Variants in EVC2 observed in about 807,000 individuals in gnomAD.
EVC2 encodes the protein limbin.
In EVC2, 148 loss-of-function variants were observed where a neutral mutation model predicts 149.3. The observed-to-expected ratio is 0.99, with a 90% CI of 0.87 to 1.14. The LOEUF is 1.14. Among genes scored for constraint, EVC2 ranks in the 50% most tolerant of loss-of-function variants. The pLI is 0.00. For synonymous variants in EVC2, 776 were observed against 649.9 expected (o/e 1.19, Z -2.95); for missense variants, 1,854 against 1,627.3 (o/e 1.14, Z -2.40).
chr4:5,586,557 CTTT>C (rs1476659107), intron 16 of EVC2, among the ~76,000 whole-genome samples: 2 of 152,284 alleles, frequency 1.3e-5, no homozygotes, highest in East Asian at 3.9e-4. Context: ...AGAACAGACT[CTTT>C]AAGTCTCATA....
At chr4:5,662,392 A>G (rs1389730529) in intron 9 of EVC2, among the ~76,000 whole-genome samples, 2 of 146,396 alleles carry the variant, frequency 1.4e-5, no homozygotes, top group African/African-American at 2.5e-5. Context: ...CCTAAACTTA[A>G]AAGTTAAAAA....
chr4:5,599,176 A>G (rs1411868762), intron 16 of EVC2, among the ~76,000 whole-genome samples: 5 of 151,562 alleles, frequency 3.3e-5, no homozygotes, highest in Non-Finnish European at 7.4e-5. Context: ...TTCCTCAGGG[A>G]TCTAGAACTA....
chr4:5,613,039 G>GTGGGAGC lies in EVC2; in HGVS notation c.2829+2376_2829+2382dup, dbSNP rs1161342533. ...TTGAGGTCCAGCCTTGAGCCACTGG[G>GTGGGAGC]TGGGAGCGGTGCGGTCTGCACCTGA... On this transcript the variant is annotated intron_variant, in intron 16 of 21. Coordinates refer to ENST00000344408, the MANE Select transcript of EVC2 (RefSeq NM_147127.5). The surrounding 1 kb of genome is among the most constrained non-coding windows in gnomAD (Gnocchi z 4.6). Among the ~76,000 whole-genome samples the GTGGGAGC allele has an allele frequency of 6.6e-6, 1 of 152,102 alleles. No homozygotes were observed. The highest frequency in any genetic ancestry group is 1.5e-5 in the Non-Finnish European group (1 of 68,010).
chr4:5,663,193 G>A lies in EVC2; in HGVS notation c.1059C>T (p.Gly353=), dbSNP rs77793386. 4.5e-3 allele frequency: 7,279 copies of A among 1,614,082 alleles called. 294 individuals are homozygous for A. The African/African-American group carries it at 0.085, about 19-fold the overall frequency. Residue 353 remains glycine (G), a synonymous_variant, in exon 9 of 22, where the codon GGC becomes GGT. Transcript: ENST00000344408. ...LEPLPFTSAD[G]VNEDLSLNDQ... ...CGTTAAGGGAAAGGTCCTCATTCACGCCATCAGCTGAGGTGAACGGCAAGG... is the reference window on the plus strand; with the variant it reads ...CGTTAAGGGAAAGGTCCTCATTCACACCATCAGCTGAGGTGAACGGCAAGG...
intron 6 of EVC2, among the ~76,000 whole-genome samples, chr4:5,681,887 G>C (rs1203701871): frequency 6.6e-6 from 1 of 152,124 alleles, no homozygotes; most frequent in Non-Finnish European, 1.5e-5. Flanking sequence ...TTCTTCCTGG[G>C]GGTAAAGGCA....
Position 5,695,428 on chromosome 4 carries a change from T to G in EVC2, c.284-927A>C, listed in dbSNP as rs182199709. On this transcript the variant is annotated intron_variant, in intron 2 of 21. Coordinates refer to ENST00000344408, the MANE Select transcript of EVC2 (RefSeq NM_147127.5). The stretch of plus-strand genomic sequence containing the variant: ...TGTGTCAATACATTTGGAAAGTTCA[T>G]GAGCATTGTGTGCAAAGCACAGGAA... Among the ~76,000 whole-genome samples, 127 of 152,238 alleles carry G rather than the reference T, an allele frequency of 8.3e-4. 2 individuals carry two copies. Among genetic ancestry groups the G allele is most frequent in the African/African-American group, 2.4e-3 (101 of 41,536 alleles).
chr4:5,562,882 G>T lies in EVC2; in HGVS notation c.3893C>A (p.Ala1298Asp). 1 of 1,614,114 alleles carries T rather than the reference G, an allele frequency of 6.2e-7. No homozygotes were observed. Among genetic ancestry groups the T allele is most frequent in the Non-Finnish European group, 8.5e-7 (1 of 1,180,030 alleles). Reference protein sequence around the residue: ...PPRKKKNFLNAKKAMRALGMD With the variant: ...PPRKKKNFLNDKKAMRALGMD ...GCCCAAGGCCCTCATGGCCTTTTTG[G>T]CATTCAAAAAGTTCTTCTTTTTCCT... Residue 1298 changes from alanine to aspartate, a missense_variant, in exon 22 of 22, where the codon GCC (alanine) becomes GAC (aspartate). By Grantham distance (126) the Ala-to-Asp change is moderately radical. Transcript: ENST00000344408. The surrounding 1 kb of genome is among the most constrained non-coding windows in gnomAD (Gnocchi z 4.3).
At chr4:5,672,397 T>C (rs1340573190) in intron 7 of EVC2, among the ~76,000 whole-genome samples, 1 of 152,108 alleles carries the variant, frequency 6.6e-6, no homozygotes, top group Non-Finnish European at 1.5e-5. Context: ...AGAAACATGG[T>C]TAGATCAGTA....
chr4:5,645,137 G>A (rs116121884), intron 9 of EVC2, among the ~76,000 whole-genome samples: 3,982 of 152,050 alleles, frequency 0.026, 178 homozygotes, highest in African/African-American at 0.091. Context: ...CTTCCTTTAC[G>A]GCCATACTAT....
intron 12 of EVC2, among the ~76,000 whole-genome samples, chr4:5,626,585 C>T (rs1247354300): frequency 3.3e-5 from 5 of 152,246 alleles, no homozygotes; most frequent in East Asian, 3.9e-4. Context: ...CCACCCGCCT[C>T]GGCCTTCCAA....
At chr4:5,661,603 C>G (rs910069947) in intron 9 of EVC2, among the ~76,000 whole-genome samples, 2 of 151,898 alleles carry the variant, frequency 1.3e-5, no homozygotes, top group Non-Finnish European at 2.9e-5. Context: ...GATTTTTGGC[C>G]AAAACAACGG....
chr4:5,533,596 C>G, the EVC2 span, among the ~76,000 whole-genome samples: 1 of 152,230 alleles, frequency 6.6e-6, no homozygotes, highest in Admixed American at 6.5e-5. Context: ...TTGTCTCACG[C>G]CCTGCAGCCA....
chr4:5,565,327 C>T lies in EVC2; in HGVS notation c.3590G>A (p.Gly1197Asp). The change falls in exon 21 of 22, where the codon GGC becomes GAC. Residue 1197 changes from glycine to aspartate, a missense_variant. By Grantham distance (94) the Gly-to-Asp change is moderately conservative. Coordinates refer to ENST00000344408, the MANE Select transcript of EVC2 (RefSeq NM_147127.5). ...GCTTATCAGATCTCCTCGCAGTTTG[C>T]CATCTAAGGCTTGCCACCAGCTCTG... ...KHQSWWQALD[G>D]KLRGDLISRG... 1.2e-6 allele frequency: 2 copies of T among 1,614,004 alleles called. No homozygotes were observed. Among genetic ancestry groups the T allele is most frequent in the Non-Finnish European group, 1.7e-6 (2 of 1,179,964 alleles).
At chr4:5,701,872 C>A (rs914122850) in intron 1 of EVC2, among the ~76,000 whole-genome samples, 5 of 152,086 alleles carry the variant, frequency 3.3e-5, no homozygotes, top group Non-Finnish European at 7.4e-5. Context: ...TCCCAGTAAA[C>A]CCCACTGGCT....
intron 1 of EVC2, 70 bp from the exon 2 acceptor site, chr4:5,697,717 G>T: frequency 1.5e-6 from 2 of 1,374,158 alleles, no homozygotes; most frequent in East Asian, 2.4e-5. Context: ...AATAATCTTT[G>T]TAAATGACTC....
In EVC2 at chr4:5,657,921, A is replaced by T. The variant is rs1718636478; in HGVS notation, c.1145+5186T>A. ...GGCCTGGTCCTCTTTTGGGTCCTCA[A>T]ATGTCCACATCCCTTCCCACCTCTT... On this transcript the variant is annotated intron_variant, in intron 9 of 21. Transcript: ENST00000344408. The surrounding 1 kb of genome is among the most constrained non-coding windows in gnomAD (Gnocchi z 4.7). Among the ~76,000 whole-genome samples the T allele has an allele frequency of 6.6e-6, 1 of 151,826 alleles. No homozygotes were observed. Among genetic ancestry groups the T allele is most frequent in the South Asian group, 2.1e-4 (1 of 4,800 alleles).
At chr4:5,700,691 T>C (rs1287664533) in intron 1 of EVC2, among the ~76,000 whole-genome samples, 1 of 151,976 alleles carries the variant, frequency 6.6e-6, no homozygotes, top group Non-Finnish European at 1.5e-5. Context: ...GGTACCTCTC[T>C]GGGGACTCCA....
At chr4:5,641,949 C>A (rs1189775376) in intron 9 of EVC2, among the ~76,000 whole-genome samples, 1 of 152,154 alleles carries the variant, frequency 6.6e-6, no homozygotes, top group South Asian at 2.1e-4. Flanking sequence ...TGCCTCTTAC[C>A]CCCTGACAGG....
At chr4:5,535,203 G>A in the EVC2 span, among the ~76,000 whole-genome samples, 1 of 152,074 alleles carries the variant, frequency 6.6e-6, no homozygotes, top group African/African-American at 2.4e-5. This position sits in a 1 kb window ranked among gnomAD's most constrained non-coding sequence, Gnocchi z 4.7. Context: ...AGCTCCCAGT[G>A]CCAGCTCCCA....
Sources: allele counts gnomAD v4.1 joint callset (sites outside exome capture counted in the v4.1 genomes callset), GRCh38; gene constraint gnomAD v4.1.1; non-coding constraint Gnocchi (gnomAD v3.1); transcripts MANE v1.5; gene names NCBI Gene and HGNC (gene_info 2026-07-23, HGNC 2026-07-21).